The following SCN3A variants were observed in gnomAD, a reference collection of about 807,000 sequenced individuals.
The protein encoded by SCN3A is sodium channel protein type 3 subunit alpha.
A neutral mutation model predicts 187.6 loss-of-function variants in SCN3A; 60 were observed. The observed-to-expected ratio is 0.32, with a 90% CI of 0.26 to 0.40. The LOEUF (loss-of-function observed/expected upper bound fraction) is 0.40, where lower values mean the gene tolerates loss of function less well. Ranked by LOEUF, SCN3A falls within the 10% of genes least tolerant of loss-of-function variation. The pLI is 1.00. For synonymous variants in SCN3A, 788 were observed against 829.2 expected, an observed-to-expected ratio of 0.95 and a Z score of 0.85; for missense variants, 1,601 against 2,428.2, an observed-to-expected ratio of 0.66 and a Z score of 7.16.
rs777943989 is a variant in SCN3A, at chr2:165,112,912, C to A, written c.3816G>T (p.Trp1272Cys). 4 of 1,613,342 alleles carry A rather than the reference C, an allele frequency of 2.5e-6. No individual in the cohort carries two copies. The highest frequency in any genetic ancestry group is 3.4e-6 in the Non-Finnish European group (4 of 1,179,728). The change falls in exon 21 of 28, where the codon TGG (tryptophan) becomes TGT (cysteine). Residue 1272 changes from tryptophan to cysteine, a missense_variant. Around this residue, in one of 11 missense-constraint regions of SCN3A, gnomAD observed 320 missense variants for 623.2 expected, o/e 0.51. Coordinates refer to ENST00000283254, the MANE Select transcript of SCN3A (RefSeq NM_006922.4). ...CAACGATCAAGAAATCTAGCCAGCACCAGGCATTAGTGAAATATGTTTGAA... is the reference window on the plus strand; with the variant it reads ...CAACGATCAAGAAATCTAGCCAGCAACAGGCATTAGTGAAATATGTTTGAA... Reference protein sequence around the residue: ...YGFQTYFTNAWCWLDFLIVDV... With the variant: ...YGFQTYFTNACCWLDFLIVDV...
intron 18 of SCN3A, among the ~76,000 whole-genome samples, chr2:165,122,166 T>A (rs1012031585): frequency 1.3e-5 from 2 of 151,802 alleles, no homozygotes; most frequent in African/African-American, 4.8e-5. Flanking sequence ...GCATACAGAC[T>A]ATGGCCCTTC....
chr2:165,127,492 T>G (rs1687063381), intron 18 of SCN3A, 139 bp downstream of exon 18: 2 of 711,034 alleles, frequency 2.8e-6, no homozygotes, highest in South Asian at 3.6e-5. Context: ...GAGTATCTTG[T>G]GATTTTCCAA....
chr2:165,125,196 T>C (rs1382213972), intron 18 of SCN3A, among the ~76,000 whole-genome samples: 6 of 152,170 alleles, frequency 3.9e-5, no homozygotes, highest in Admixed American at 3.9e-4. Flanking sequence ...TTTCTGATAA[T>C]GTATATTTGA....
chr2:165,164,408 T>C lies in SCN3A; in HGVS notation c.586A>G (p.Ser196Gly). Residue 196 changes from serine (S) to glycine (G), a missense_variant, in exon 6 of 28, where the codon AGT (serine) becomes GGT (glycine). Transcript: ENST00000283254. ...LRDPWNWLDF[S>G]VIVMAYVTEF... is the part of the protein sequence containing the mutation. ...GTTACTCACGCCATCACAATGACAC[T>C]GAAATCCAGCCAGTTCCATGGATCA... The C allele has an allele frequency of 3.1e-6, 5 of 1,613,808 alleles. No individual in the cohort carries two copies. Among genetic ancestry groups the C allele is most frequent in the Non-Finnish European group, 4.2e-6 (5 of 1,179,808 alleles).
At chr2:165,168,693 T>G in intron 5 of SCN3A, 43 bp downstream of exon 5, 1 of 1,310,394 alleles carries the variant, frequency 7.6e-7, no homozygotes, top group Admixed American at 1.7e-5. Flanking sequence ...TGCTAGAGAA[T>G]TTGAGTGTGC....
rs761711749 is a variant in SCN3A, at chr2:165,156,376, T to G, written c.1032-473A>C. ...AAAAAAAAAACAATTAGCTGGGCGT[T>G]GTGGTGGGTGCCTGTAGTCCCAGCT... On this transcript the variant is annotated intron_variant, in intron 9 of 27. Coordinates refer to ENST00000283254, the MANE Select transcript of SCN3A (RefSeq NM_006922.4). Among the ~76,000 whole-genome samples the G allele has an allele frequency of 1.8e-3, 274 of 150,082 alleles. 2 individuals carry two copies. Among genetic ancestry groups the G allele is most frequent in the Admixed American group, 4.8e-3 (73 of 15,102 alleles).
chr2:165,147,736 G>A (rs1021290960), intron 11 of SCN3A, among the ~76,000 whole-genome samples: 3 of 152,144 alleles, frequency 2.0e-5, no homozygotes, highest in African/African-American at 2.4e-5. Flanking sequence ...AAAGGATTAT[G>A]AGAACTGCTT....
At chr2:165,183,055 A>C (rs143386729) in intron 2 of SCN3A, among the ~76,000 whole-genome samples, 22 of 152,282 alleles carry the variant, frequency 1.4e-4, no homozygotes, top group Middle Eastern at 3.4e-3. Flanking sequence ...CCTAAGGAAA[A>C]AAAGTGAAAG....
intron 21 of SCN3A, among the ~76,000 whole-genome samples, chr2:165,100,961 T>C (rs975090163): frequency 1.3e-5 from 2 of 152,194 alleles, no homozygotes; most frequent in African/African-American, 2.4e-5. Flanking sequence ...AGATATACTT[T>C]AGCCAAAATA....
Position 165,162,845 on chromosome 2 carries a change from A to G in SCN3A, c.695-17T>C, listed in dbSNP as rs1689494254. 2.5e-6 allele frequency: 4 copies of G among 1,613,818 alleles called. No individual in the cohort carries two copies. The highest frequency in any genetic ancestry group is 1.7e-4 in the Middle Eastern group (1 of 6,060). On this transcript the variant is annotated splice_polypyrimidine_tract_variant and intron_variant, in intron 7 of 27. Transcript: ENST00000283254. ...TCTTTAAACCTGCAGAGAGAGAACTATAGGTTACCTGAGGAAGAGTGCCAG... is the reference window on the plus strand; with the variant it reads ...TCTTTAAACCTGCAGAGAGAGAACTGTAGGTTACCTGAGGAAGAGTGCCAG...
At chr2:165,130,524 TAATA>T (rs1035804554) in intron 16 of SCN3A, 19 of 548,062 alleles carry the variant, frequency 3.5e-5, no homozygotes, top group South Asian at 2.6e-4. Flanking sequence ...ATTTCAGAAA[TAATA>T]AATAAAACAT....
At chr2:165,144,670 T>C (rs1688214065) in intron 12 of SCN3A, among the ~76,000 whole-genome samples, 1 of 152,194 alleles carries the variant, frequency 6.6e-6, no homozygotes, top group Non-Finnish European at 1.5e-5. Flanking sequence ...CCTCCAATTA[T>C]GGCTCCTGTT....
At chr2:165,139,782 A>T (rs1020116183) in intron 13 of SCN3A, 174 bp from the exon 14 acceptor site, 1 of 703,850 alleles carries the variant, frequency 1.4e-6, no homozygotes, top group Non-Finnish European at 2.3e-6. Context: ...AAAAAAAGTT[A>T]TCACAGGTAG....
At chr2:165,139,284 C>T (rs1687854496) in intron 14 of SCN3A, among the ~76,000 whole-genome samples, 192 bp downstream of exon 14, 1 of 151,890 alleles carries the variant, frequency 6.6e-6, no homozygotes, top group Non-Finnish European at 1.5e-5. Context: ...AGGTAAGGAC[C>T]CAAGTCAAAA....
rs527711121 is a variant in SCN3A, at chr2:165,160,053, C to T, written c.1031+2255G>A. 4.2e-4 allele frequency among the ~76,000 whole-genome samples: 57 copies of T among 135,034 alleles called. 22 individuals are homozygous for T. The East Asian group carries it at 0.015, about 36-fold the overall frequency. The allele number at this position is 135,034 out of a possible 152,430, so 88.6% of individuals were successfully genotyped here. On this transcript the variant is annotated intron_variant, in intron 9 of 27. Transcript: ENST00000283254. ...CTGAGGCAGGAGAATAGCTTGAACC[C>T]GGGAGGCGGAACTTGCAGTGAGCCG...
chr2:165,156,281 C>G (rs1008550643), intron 9 of SCN3A, among the ~76,000 whole-genome samples: 3 of 151,432 alleles, frequency 2.0e-5, no homozygotes, highest in African/African-American at 7.3e-5. Flanking sequence ...CCAAGGCGGG[C>G]GGATCATAAG....
intron 5 of SCN3A, among the ~76,000 whole-genome samples, chr2:165,165,301 GTA>G (rs201410678): frequency 9.9e-5 from 15 of 151,696 alleles, no homozygotes; most frequent in African/African-American, 2.2e-4. Context: ...GTGTGTGTGT[GTA>G]TATATTATCA....
chr2:165,127,246 G>A (rs1454498816), intron 18 of SCN3A, among the ~76,000 whole-genome samples: 2 of 151,350 alleles, frequency 1.3e-5, no homozygotes, highest in Non-Finnish European at 2.9e-5. Flanking sequence ...TTTTTTTGTA[G>A]AGAGGAGATT....
At chr2:165,100,213 A>C in intron 22 of SCN3A, 89 bp downstream of exon 22, 1 of 1,411,682 alleles carries the variant, frequency 7.1e-7, no homozygotes, top group South Asian at 1.2e-5. Flanking sequence ...TATGAAATAA[A>C]TATCAGAAGA....
Sources: allele counts gnomAD v4.1 joint callset (sites outside exome capture counted in the v4.1 genomes callset), GRCh38; gene constraint gnomAD v4.1.1; regional missense constraint gnomAD v4.1.1; transcripts MANE v1.5; gene names NCBI Gene and HGNC (gene_info 2026-07-23, HGNC 2026-07-21).